KNDC1: variants seen among roughly 807,000 people sequenced by gnomAD.
KNDC1 encodes kinase non-catalytic C-lobe domain-containing protein 1.
Under a neutral mutation model 172.8 loss-of-function variants are expected in KNDC1, and 106 were observed. The ratio of observed to expected loss-of-function variants is 0.61; its 90% confidence interval spans 0.52 to 0.72. KNDC1 has a LOEUF of 0.72. Ranked by LOEUF, KNDC1 falls within the 30% of genes least tolerant of loss-of-function variation. KNDC1 has a pLI of 0.00. For missense variants in KNDC1, 2,325 were observed against 2,394.5 expected, an observed-to-expected ratio of 0.97 and a Z score of 0.61; for synonymous variants, 1,083 against 1,062.2, an observed-to-expected ratio of 1.02 and a Z score of -0.38.
rs552988924 is a variant in KNDC1, at chr10:133,183,934, C to G, written c.570C>G (p.Ser190Arg). 4.7e-5 allele frequency: 75 copies of G among 1,604,288 alleles called. No homozygotes were observed. In the South Asian group the frequency reaches 7.5e-4, roughly 16 times the overall value. ...QLTSSCRVCR[S>R]LSAVGRRVLS... ...CATCCTCCTGTCGCGTGTGCCGGAG[C>G]CTCTCTGCTGTGGGGAGGAGGGTCC... The change falls in exon 5 of 30, where the codon AGC (serine) becomes AGG (arginine). Residue 190 changes from serine (S) to arginine (R), a missense_variant. Coordinates refer to ENST00000304613, the MANE Select transcript of KNDC1 (RefSeq NM_152643.8).
intron 21 of KNDC1, among the ~76,000 whole-genome samples, chr10:133,211,097 C>A (rs948167637): frequency 6.6e-6 from 1 of 152,006 alleles, no homozygotes. Context: ...CAGCCTCCCT[C>A]GGTACCCATG....
chr10:133,215,744 G>A (rs548967287), intron 26 of KNDC1, among the ~76,000 whole-genome samples: 278 of 152,332 alleles, frequency 1.8e-3, no homozygotes, highest in African/African-American at 6.4e-3. Context: ...TCGAGCCTGC[G>A]GCGGCCCTGC....
At chr10:133,177,905 A>ATT (rs1853594557) in intron 3 of KNDC1, among the ~76,000 whole-genome samples, 1 of 51,852 alleles carries the variant, frequency 1.9e-5, no homozygotes, top group Non-Finnish European at 5.4e-5. Context: ...ATGTGTGTGC[A>ATT]GTGTGTGTGT....
At chr10:133,207,634 G>T (rs551967305) in intron 20 of KNDC1, among the ~76,000 whole-genome samples, 1 of 152,198 alleles carries the variant, frequency 6.6e-6, no homozygotes, top group Admixed American at 6.5e-5. Flanking sequence ...ATTAACACAC[G>T]GAATGGCTTC....
intron 3 of KNDC1, among the ~76,000 whole-genome samples, chr10:133,182,346 A>T (rs182022678): frequency 6.6e-6 from 1 of 151,954 alleles, no homozygotes; most frequent in Non-Finnish European, 1.5e-5. Context: ...GTGCATGTCC[A>T]CTCAGCCAGC....
intron 5 of KNDC1, among the ~76,000 whole-genome samples, chr10:133,184,203 C>T (rs1027198174): frequency 1.4e-5 from 2 of 147,360 alleles, no homozygotes; most frequent in South Asian, 4.5e-4. Flanking sequence ...CACATGCACA[C>T]CCATGCTGCA....
At chr10:133,166,301 C>G (rs1042949027) in intron 1 of KNDC1, among the ~76,000 whole-genome samples, 3 of 152,198 alleles carry the variant, frequency 2.0e-5, no homozygotes, top group African/African-American at 7.2e-5. Flanking sequence ...CCGGCCACCC[C>G]CTCCTACCTG....
At position 133,199,143 on chromosome 10, in the gene KNDC1, G is replaced by T. The variant is rs760510911; in HGVS notation, c.2635G>T (p.Val879Leu). 1 of 1,595,606 alleles carries T rather than the reference G, an allele frequency of 6.3e-7. No homozygotes were observed. Among genetic ancestry groups the T allele is most frequent in the Non-Finnish European group, 8.5e-7 (1 of 1,172,824 alleles). Reference protein sequence around the residue: ...PADRRLCLPCVDASPLPGRTA... With the variant: ...PADRRLCLPCLDASPLPGRTA... ...AGACCGGAGGCTCTGTCTGCCCTGCGTGGATGCCTCGCCACTCCCAGGGAG... is the reference window on the plus strand; with the variant it reads ...AGACCGGAGGCTCTGTCTGCCCTGCTTGGATGCCTCGCCACTCCCAGGGAG... Residue 879 changes from valine to leucine, a missense_variant, in exon 14 of 30, where the codon GTG (valine) becomes TTG (leucine). Transcript: ENST00000304613.
chr10:133,202,758 G>A (rs754124240), intron 17 of KNDC1: 1 of 429,964 alleles, frequency 2.3e-6, no homozygotes, highest in Non-Finnish European at 4.7e-6. Context: ...GGGGACAGGG[G>A]TTAAGCTCTG....
At chr10:133,217,042 G>A (rs1024889977) in intron 26 of KNDC1, among the ~76,000 whole-genome samples, 2 of 152,252 alleles carry the variant, frequency 1.3e-5, no homozygotes, top group Non-Finnish European at 2.9e-5. Flanking sequence ...CGGGGAGCTC[G>A]TGTTGAACGG....
chr10:133,166,445 G>A (rs754627763), intron 1 of KNDC1, among the ~76,000 whole-genome samples: 19 of 148,340 alleles, frequency 1.3e-4, no homozygotes, highest in Non-Finnish European at 2.3e-4. Context: ...GGGAATGGGT[G>A]TGTGCGGGTG....
chr10:133,176,690 C>A (rs1591229146), intron 3 of KNDC1, among the ~76,000 whole-genome samples: 1 of 152,220 alleles, frequency 6.6e-6, no homozygotes, highest in South Asian at 2.1e-4. Context: ...CAGAGGCTGG[C>A]CCCACTCCAG....
chr10:133,219,232 C>G lies in KNDC1; in HGVS notation c.4860+142C>G, dbSNP rs982759633. 4 of 989,354 alleles carry G rather than the reference C, an allele frequency of 4.0e-6. No individual in the cohort carries two copies. In the African/African-American group the frequency reaches 6.5e-5, roughly 16 times the overall value. The allele number at this position is 989,354 out of a possible 1,614,324, so 61.3% of individuals were successfully genotyped here. A position where few individuals can be genotyped will look rare whatever the true frequency, so the allele number is the denominator to read the frequency against. Reference sequence around the variant, plus strand: ...CCCAGCCAGGGTGGCCTCACGGAGGCCTTGGAGTCATCTCCCGGCAGGGCC... The same window carrying G: ...CCCAGCCAGGGTGGCCTCACGGAGGGCTTGGAGTCATCTCCCGGCAGGGCC... On this transcript the variant is annotated intron_variant, in intron 28 of 29. Transcript: ENST00000304613.
At chr10:133,197,238 C>T (rs897766032) in intron 11 of KNDC1, 103 bp downstream of exon 11, 12 of 889,172 alleles carry the variant, frequency 1.3e-5, no homozygotes, top group Admixed American at 8.1e-5. Context: ...CCCCACACCC[C>T]GGTCTCTGTT....
chr10:133,201,100 A>G (rs1048032471), intron 16 of KNDC1, among the ~76,000 whole-genome samples: 1 of 152,218 alleles, frequency 6.6e-6, no homozygotes, highest in African/African-American at 2.4e-5. Flanking sequence ...GCACAGGGGA[A>G]GCTCCCGCAG....
intron 28 of KNDC1, 32 bp from the exon 29 acceptor site, chr10:133,219,923 C>T: frequency 1.7e-5 from 26 of 1,541,364 alleles, no homozygotes; most frequent in Non-Finnish European, 2.2e-5. Flanking sequence ...CGCCCTGTCT[C>T]TCCCCGGCCC....
At position 133,208,502 on chromosome 10, in the gene KNDC1, G is replaced by A. The variant is rs556710881; in HGVS notation, c.3794+1151G>A. Among the ~76,000 whole-genome samples the A allele has an allele frequency of 2.7e-3, 73 of 27,408 alleles. 2 individuals carry two copies. Among genetic ancestry groups the A allele is most frequent in the Non-Finnish European group, 4.0e-3 (62 of 15,558 alleles). 18.0% of individuals were successfully genotyped at this position (27,408 alleles called of 152,430 possible). ...GAGAGGGACGTGGGCCCCCAACCCC[G>A]TTACCCCAAGGACCCTCTAGAGAGG... On this transcript the variant is annotated intron_variant, in intron 20 of 29. Coordinates refer to ENST00000304613, the MANE Select transcript of KNDC1 (RefSeq NM_152643.8).
intron 29 of KNDC1, among the ~76,000 whole-genome samples, chr10:133,220,983 C>T (rs942331436): frequency 6.6e-6 from 1 of 152,096 alleles, no homozygotes; most frequent in Non-Finnish European, 1.5e-5. Context: ...CTCCCTCTAC[C>T]CAAGATAACC....
chr10:133,177,204 T>C (rs1350428127), intron 3 of KNDC1, among the ~76,000 whole-genome samples: 1 of 79,912 alleles, frequency 1.3e-5, no homozygotes. Context: ...GTGTATGTAG[T>C]ATAGTGTGTG....
Sources: allele counts gnomAD v4.1 joint callset (sites outside exome capture counted in the v4.1 genomes callset), GRCh38; gene constraint gnomAD v4.1.1; transcripts MANE v1.5; gene names NCBI Gene and HGNC (gene_info 2026-07-23, HGNC 2026-07-21).